TASP1: variants seen among roughly 807,000 people sequenced by gnomAD.
TASP1 encodes the protein taspase 1.
A neutral mutation model predicts 56.6 loss-of-function variants in TASP1; 16 were observed. The observed-to-expected ratio is 0.28, with a 90% CI of 0.19 to 0.43. The LOEUF is 0.43. Ranked by LOEUF, TASP1 falls within the 20% of genes least tolerant of loss-of-function variation. The probability of loss-of-function intolerance (pLI) is 1.00; values close to 1 mark genes in which losing one functional copy is unlikely to be tolerated. For synonymous variants in TASP1, 179 were observed against 184.2 expected (o/e 0.97, Z 0.23); for missense variants, 393 against 511.6 (o/e 0.77, Z 2.24).
intron 12 of TASP1, among the ~76,000 whole-genome samples, chr20:13,418,792 A>G (rs1472561935): frequency 6.6e-6 from 1 of 152,262 alleles, no homozygotes; most frequent in East Asian, 1.9e-4. Context: ...AGATACCTTG[A>G]GACACAACAC....
intron 12 of TASP1, among the ~76,000 whole-genome samples, chr20:13,431,541 G>A (rs2042806383): frequency 6.6e-6 from 1 of 152,092 alleles, no homozygotes. Flanking sequence ...GATAAGTACA[G>A]ATATAAGAAG....
the TASP1 span, among the ~76,000 whole-genome samples, chr20:13,222,090 C>T: frequency 1.3e-5 from 2 of 152,170 alleles, no homozygotes; most frequent in African/African-American, 2.4e-5. Context: ...GGAGCGGGGG[C>T]ACGTGCCTGG....
At chr20:13,520,568 G>T (rs141680344) in intron 10 of TASP1, among the ~76,000 whole-genome samples, 1,713 of 152,174 alleles carry the variant, frequency 0.011, 20 homozygotes, top group Middle Eastern at 0.024. Context: ...CTGGCTAGCC[G>T]TATGTAGAAG....
the TASP1 span, among the ~76,000 whole-genome samples, chr20:13,157,963 A>T: frequency 2.6e-5 from 4 of 152,244 alleles, no homozygotes; most frequent in Non-Finnish European, 5.9e-5. Context: ...TATAGTCTGT[A>T]GCCAGTTATC....
chr20:13,306,671 G>A, the TASP1 span, among the ~76,000 whole-genome samples: 1 of 150,780 alleles, frequency 6.6e-6, no homozygotes, highest in Non-Finnish European at 1.5e-5. Context: ...ATCAACATAA[G>A]TAAAGGGAGG....
At chr20:13,232,174 A>G in the TASP1 span, among the ~76,000 whole-genome samples, 1 of 152,216 alleles carries the variant, frequency 6.6e-6, no homozygotes, top group African/African-American at 2.4e-5. Flanking sequence ...AGCTTTGTTG[A>G]AGTGCAATTG....
At chr20:13,554,709 C>T (rs143123118) in intron 8 of TASP1, among the ~76,000 whole-genome samples, 6 of 152,158 alleles carry the variant, frequency 3.9e-5, no homozygotes, top group Admixed American at 6.5e-5. Context: ...TTACACTTTA[C>T]TGTAGTCTAT....
the TASP1 span, among the ~76,000 whole-genome samples, chr20:13,303,391 G>A: frequency 8.5e-4 from 129 of 152,236 alleles, no homozygotes; most frequent in Non-Finnish European, 1.6e-3. Context: ...CCCTTGCTCA[G>A]GTTGGGTAAG....
the TASP1 span, among the ~76,000 whole-genome samples, chr20:13,301,707 A>G: frequency 6.6e-6 from 1 of 151,976 alleles, no homozygotes; most frequent in East Asian, 1.9e-4. Flanking sequence ...TTTTTTTTGC[A>G]AAGAGAATTG....
chr20:13,590,763 A>G (rs567447515), intron 4 of TASP1, among the ~76,000 whole-genome samples: 18 of 152,004 alleles, frequency 1.2e-4, no homozygotes, highest in South Asian at 6.2e-4. Context: ...CTACTCAGGA[A>G]GCTGAGGCAG....
intron 11 of TASP1, among the ~76,000 whole-genome samples, chr20:13,451,839 A>T (rs2043630684): frequency 6.6e-6 from 1 of 152,124 alleles, no homozygotes; most frequent in Non-Finnish European, 1.5e-5. Flanking sequence ...AGCTTTTGAC[A>T]TGCCTTCCTC....
chr20:13,195,280 T>C, the TASP1 span, among the ~76,000 whole-genome samples: 1 of 152,230 alleles, frequency 6.6e-6, no homozygotes, highest in Non-Finnish European at 1.5e-5. Context: ...AGCTGCTGCA[T>C]AACCACCTAG....
intron 7 of TASP1, among the ~76,000 whole-genome samples, chr20:13,564,189 T>A (rs2046438659): frequency 6.6e-6 from 1 of 151,860 alleles, no homozygotes; most frequent in African/African-American, 2.4e-5. Flanking sequence ...TCCAACCCCG[T>A]CCCCCAACAC....
chr20:13,221,050 C>G, the TASP1 span, among the ~76,000 whole-genome samples: 7 of 152,114 alleles, frequency 4.6e-5, no homozygotes, highest in Admixed American at 4.6e-4. Flanking sequence ...GCCCGGGGCC[C>G]CCATCTGGAA....
At chr20:13,270,011 G>A in the TASP1 span, among the ~76,000 whole-genome samples, 4 of 152,054 alleles carry the variant, frequency 2.6e-5, no homozygotes, top group Non-Finnish European at 5.9e-5. Flanking sequence ...TAGACAAATG[G>A]ACAGACAAAT....
At chr20:13,321,277 G>A in the TASP1 span, among the ~76,000 whole-genome samples, 1,008 of 74,876 alleles carry the variant, frequency 0.013, no homozygotes, top group Middle Eastern at 0.021. Flanking sequence ...AAAAAAAAAA[G>A]ATTTTATGAC....
chr20:13,276,424 T>C, the TASP1 span, among the ~76,000 whole-genome samples: 1 of 152,068 alleles, frequency 6.6e-6, no homozygotes, highest in African/African-American at 2.4e-5. Context: ...CTGATCAAGG[T>C]GCATTGGAAC....
chr20:13,624,309 C>G (rs1473767711), intron 3 of TASP1, among the ~76,000 whole-genome samples: 1 of 151,954 alleles, frequency 6.6e-6, no homozygotes, highest in East Asian at 1.9e-4. Context: ...AATTTATTTT[C>G]AGATGACAGA....
chr20:13,633,848 C>A (rs2049189276), intron 1 of TASP1, among the ~76,000 whole-genome samples: 1 of 151,828 alleles, frequency 6.6e-6, no homozygotes, highest in Non-Finnish European at 1.5e-5. Context: ...AAAAAAACTT[C>A]TATCAATCAC....
Sources: allele counts gnomAD v4.1 joint callset (sites outside exome capture counted in the v4.1 genomes callset), GRCh38; gene constraint gnomAD v4.1.1; transcripts MANE v1.5; gene names NCBI Gene and HGNC (gene_info 2026-07-23, HGNC 2026-07-21).